The following SGMS2 variants were observed in gnomAD, a reference collection of about 807,000 sequenced individuals.
The protein encoded by SGMS2 is phosphatidylcholine:ceramide cholinephosphotransferase 2.
A neutral mutation model predicts 43.8 loss-of-function variants in SGMS2; 21 were observed. That is an observed-to-expected ratio of 0.48 (90% CI 0.34 to 0.69). SGMS2 has a LOEUF of 0.69. SGMS2 is among the 30% of genes least tolerant of loss of function. The pLI is 0.01. For missense variants in SGMS2, 384 were observed against 443.2 expected, an observed-to-expected ratio of 0.87 and a Z score of 1.20; for synonymous variants, 167 against 160.6, an observed-to-expected ratio of 1.04 and a Z score of -0.30.
In SGMS2 at chr4:107,909,619, G is replaced by A. The variant is rs1013756448; in HGVS notation, c.895-731G>A. Among the ~76,000 whole-genome samples the A allele has an allele frequency of 4.6e-5, 7 of 152,268 alleles. No individual in the cohort carries two copies. In the East Asian group the frequency reaches 1.4e-3, roughly 29 times the overall value. The stretch of plus-strand genomic sequence containing the variant: ...CAAATGCCACCTCTTCCAGGAAGCT[G>A]TCTCTAACTCTTGCTCTCTTCCTCT... On this transcript the variant is annotated intron_variant, in intron 6 of 6. Transcript: ENST00000690982.
chr4:107,887,498 A>G (rs1193296709), intron 2 of SGMS2, among the ~76,000 whole-genome samples: 1 of 152,172 alleles, frequency 6.6e-6, no homozygotes, highest in Non-Finnish European at 1.5e-5. Flanking sequence ...CCCAAAGAAA[A>G]CCAAACATCA....
intron 1 of SGMS2, among the ~76,000 whole-genome samples, chr4:107,850,472 A>T (rs1337015936): frequency 6.6e-6 from 1 of 151,932 alleles, no homozygotes; most frequent in Non-Finnish European, 1.5e-5. Flanking sequence ...CAAGCTTTAG[A>T]CTCTTTATGG....
chr4:107,834,957 C>G (rs900751439), intron 1 of SGMS2, among the ~76,000 whole-genome samples: 2 of 152,118 alleles, frequency 1.3e-5, no homozygotes, highest in Non-Finnish European at 1.5e-5. Context: ...ATCTCTTGAG[C>G]CCAGGATTTA....
In SGMS2 at chr4:107,914,709, A is replaced by G. The variant is rs910987264; in HGVS notation, c.*4156A>G. ...TAAATTTCAGAAGCTCTTTTTTCCT[A>G]CCCACCAGTACCTTAATCATTGGTT... On this transcript the variant is annotated 3_prime_UTR_variant, in exon 7 of 7. Transcript: ENST00000690982. 6.6e-6 allele frequency: 1 copy of G among 152,072 alleles called. No homozygotes were observed. The highest frequency in any genetic ancestry group is 2.1e-4 in the South Asian group (1 of 4,828). 9.4% of individuals were successfully genotyped at this position (152,072 alleles called of 1,614,324 possible). A position where few individuals can be genotyped will look rare whatever the true frequency, so the allele number is the denominator to read the frequency against.
rs1010560353 is a variant in SGMS2 at position 107,845,522 on chromosome 4, T to C, written c.-326-12950T>C. Among the ~76,000 whole-genome samples, 6 of 152,106 alleles carry C rather than the reference T, an allele frequency of 3.9e-5. No homozygotes were observed. In the South Asian group the frequency reaches 1.2e-3, roughly 32 times the overall value. On this transcript the variant is annotated intron_variant, in intron 1 of 6. Coordinates refer to ENST00000690982, the MANE Select transcript of SGMS2 (RefSeq NM_001375905.1). Reference sequence around the variant, plus strand: ...AGCCTAATGGGACTCACAAACCAAATAAAGTATAGGATAGCTGTCTCCCCT... The same window carrying C: ...AGCCTAATGGGACTCACAAACCAAACAAAGTATAGGATAGCTGTCTCCCCT...
chr4:107,874,734 A>G (rs541878017), intron 2 of SGMS2, among the ~76,000 whole-genome samples: 27 of 152,188 alleles, frequency 1.8e-4, no homozygotes, highest in Non-Finnish European at 3.4e-4. Context: ...TTAAGTATCA[A>G]TATCATTGTC....
rs547979381 is a variant in SGMS2 at position 107,882,063 on chromosome 4, A to G, written c.-244-13247A>G. ...CTTGCCTATTGTGAATAATGTTGCA[A>G]TAAACATGGGAGTGCAGATATCTCT... On this transcript the variant is annotated intron_variant, in intron 2 of 6. Transcript: ENST00000690982. Among the ~76,000 whole-genome samples the G allele has an allele frequency of 1.1e-4, 17 of 152,324 alleles. No homozygotes were observed. The South Asian group carries it at 3.3e-3, about 30-fold the overall frequency.
At chr4:107,885,807 C>T (rs1348511277) in intron 2 of SGMS2, among the ~76,000 whole-genome samples, 1 of 152,084 alleles carries the variant, frequency 6.6e-6, no homozygotes, top group Non-Finnish European at 1.5e-5. Context: ...CAGTAATAAC[C>T]AGTTAGAAAA....
At position 107,874,834 on chromosome 4, in the gene SGMS2, C is replaced by T. The variant is rs368674437; in HGVS notation, c.-245+16281C>T. ...ATTTCATGTCTTAGGTTATTCTCTT[C>T]GTGTCTCTACCTCATGTCTTCAGTG... On this transcript the variant is annotated intron_variant, in intron 2 of 6. Transcript: ENST00000690982. Among the ~76,000 whole-genome samples, 4 of 152,056 alleles carry T rather than the reference C, an allele frequency of 2.6e-5. No individual in the cohort carries two copies. The South Asian group carries it at 6.2e-4, about 24-fold the overall frequency.
At chr4:107,861,841 A>G (rs1366822357) in intron 2 of SGMS2, among the ~76,000 whole-genome samples, 1 of 152,224 alleles carries the variant, frequency 6.6e-6, no homozygotes, top group Non-Finnish European at 1.5e-5. Flanking sequence ...TGAAACCCCA[A>G]GGTAAGGATG....
intron 6 of SGMS2, among the ~76,000 whole-genome samples, chr4:107,909,320 A>G (rs13125307): frequency 0.32 from 48,574 of 151,950 alleles, 8,979 homozygotes; most frequent in African/African-American, 0.51. Context: ...CATGTTGGCC[A>G]GGCTGGCCTT....
Position 107,903,366 on chromosome 4 carries a change from C to G in SGMS2, c.707C>G (p.Thr236Ser). The G allele has an allele frequency of 6.2e-7, 1 of 1,613,928 alleles. No homozygotes were observed. Among genetic ancestry groups the G allele is most frequent in the Admixed American group, 1.7e-5 (1 of 59,986 alleles). The change falls in exon 5 of 7, where the codon ACT becomes AGT. Residue 236 changes from threonine (T) to serine (S), a missense_variant. By Grantham distance (58) the Thr-to-Ser change is moderately conservative. Transcript: ENST00000690982. ...GGTCACACGGTTACGCTGACACTGA[C>G]TTATTTGTTCATCAAAGAATGTAAG... ...FSGHTVTLTL[T>S]YLFIKEYSPR...
intron 2 of SGMS2, among the ~76,000 whole-genome samples, chr4:107,889,575 A>G (rs1169612074): frequency 6.6e-6 from 1 of 152,180 alleles, no homozygotes; most frequent in East Asian, 1.9e-4. Context: ...ATATATTTTC[A>G]GTAGTGAAAC....
In SGMS2 at chr4:107,912,774, T is replaced by C. The variant is rs1326685292; in HGVS notation, c.*2221T>C. The C allele has an allele frequency of 1.3e-5, 2 of 152,284 alleles. No individual in the cohort carries two copies. The highest frequency in any genetic ancestry group is 4.8e-5 in the African/African-American group (2 of 41,558). 9.4% of individuals were successfully genotyped at this position (152,284 alleles called of 1,614,324 possible). A position where few individuals can be genotyped will look rare whatever the true frequency, so the allele number is the denominator to read the frequency against. On this transcript the variant is annotated 3_prime_UTR_variant, in exon 7 of 7. Transcript: ENST00000690982. ...TTTAGTCAAGTAATCCAGTTTTTTT[T>C]TAATTTAAAAAAAACCATCACCTTT...
intron 1 of SGMS2, among the ~76,000 whole-genome samples, chr4:107,857,928 C>T (rs964409212): frequency 1.3e-5 from 2 of 152,246 alleles, no homozygotes; most frequent in African/African-American, 4.8e-5. Context: ...TTTAAACCTT[C>T]CTGGCTCATT....
intron 2 of SGMS2, among the ~76,000 whole-genome samples, chr4:107,880,289 G>A (rs937313606): frequency 6.6e-6 from 1 of 152,078 alleles, no homozygotes; most frequent in Admixed American, 6.6e-5. Context: ...CTTAGTTAAA[G>A]TATAAAAACT....
intron 1 of SGMS2, among the ~76,000 whole-genome samples, chr4:107,832,376 A>G (rs894046384): frequency 6.6e-6 from 1 of 152,246 alleles, no homozygotes; most frequent in East Asian, 1.9e-4. Context: ...ACAAATACTT[A>G]TATTCACTAT....
chr4:107,894,918 C>T (rs1730538893), intron 2 of SGMS2, among the ~76,000 whole-genome samples: 1 of 152,134 alleles, frequency 6.6e-6, no homozygotes, highest in Non-Finnish European at 1.5e-5. Context: ...CTTTATGGCT[C>T]ATAGAAAATA....
Position 107,914,106 on chromosome 4 carries a change from G to A in SGMS2, c.*3553G>A, listed in dbSNP as rs569300524. Reference sequence around the variant, plus strand: ...TAAAGATTTTTAGTATTTGTTTTTAGTGTCCTTGTGTTGCAATAATTTAAC... The same window carrying A: ...TAAAGATTTTTAGTATTTGTTTTTAATGTCCTTGTGTTGCAATAATTTAAC... On this transcript the variant is annotated 3_prime_UTR_variant, in exon 7 of 7. Transcript: ENST00000690982. The A allele has an allele frequency of 3.3e-5, 5 of 151,996 alleles. No individual in the cohort carries two copies. The highest frequency in any genetic ancestry group is 9.6e-5 in the African/African-American group (4 of 41,514). The allele number at this position is 151,996 out of a possible 1,614,324, so 9.4% of individuals were successfully genotyped here. A position where few individuals can be genotyped will look rare whatever the true frequency, so the allele number is the denominator to read the frequency against.
Sources: gnomAD v4.1 joint callset for allele counts (sites outside exome capture counted in the v4.1 genomes callset) on GRCh38, gnomAD v4.1.1 for gene constraint, MANE v1.5 for transcripts, NCBI Gene and HGNC (gene_info 2026-07-23, HGNC 2026-07-21) for gene names.